Variants in HELQ observed in about 807,000 individuals in gnomAD.
HELQ encodes the protein helicase POLQ-like.
In HELQ, 77 loss-of-function variants were observed where a neutral mutation model predicts 111.6. The observed-to-expected ratio is 0.69, with a 90% CI of 0.57 to 0.83. The LOEUF is 0.83. Ranked by LOEUF, HELQ falls within the 40% of genes least tolerant of loss-of-function variation. The pLI, the probability that HELQ is intolerant of heterozygous loss-of-function variation, is 0.00. For missense variants in HELQ, 1,200 were observed against 1,288.5 expected (o/e 0.93, Z 1.05); for synonymous variants, 438 against 454.7 (o/e 0.96, Z 0.47).
intron 5 of HELQ, among the ~76,000 whole-genome samples, chr4:83,445,157 G>A (rs925438445): frequency 3.3e-5 from 5 of 152,266 alleles, no homozygotes; most frequent in Non-Finnish European, 5.9e-5. Context: ...GCTGAAGAAC[G>A]GCTTTGAAGG....
At chr4:83,437,257 T>C (rs1388547992) in intron 8 of HELQ, among the ~76,000 whole-genome samples, 160 bp from the exon 9 acceptor site, 1 of 152,194 alleles carries the variant, frequency 6.6e-6, no homozygotes, top group South Asian at 2.1e-4. Context: ...TCTGACTTCA[T>C]TAACTATTAG....
In HELQ at chr4:83,408,088, A is replaced by C. The variant is rs1738882384; in HGVS notation, c.3199-528T>G. On this transcript the variant is annotated intron_variant, in intron 17 of 17. Transcript: ENST00000295488. ...ACATGGCATATGAAAGATGTCAATG[A>C]ATTTTTACCAAATAATAAGCTATAT... 2.0e-5 allele frequency among the ~76,000 whole-genome samples: 3 copies of C among 152,194 alleles called. No homozygotes were observed. In the South Asian group the frequency reaches 6.2e-4, roughly 32 times the overall value.
Position 83,427,718 on chromosome 4 carries a change from T to A in HELQ, c.2521A>T (p.Thr841Ser). ...ATGTCACAATAAGCTAAATCTATAG[T>A]TCCTAAAAGAAAGATACAAATATTC... ...TKLGRASFKGTIDLAYCDILY... is the reference protein window; with the variant it reads ...TKLGRASFKGSIDLAYCDILY... The change falls in exon 13 of 18, where the codon ACT (threonine) becomes TCT (serine). Residue 841 changes from threonine (T) to serine (S), a missense_variant and splice_region_variant. This residue lies in a region of HELQ where 585 missense variants were observed against 665.3 expected (regional missense o/e 0.88). Coordinates refer to ENST00000295488, the MANE Select transcript of HELQ (RefSeq NM_133636.5). 1 of 1,525,414 alleles carries A rather than the reference T, an allele frequency of 6.6e-7. No individual in the cohort carries two copies. Among genetic ancestry groups the A allele is most frequent in the Non-Finnish European group, 8.8e-7 (1 of 1,136,588 alleles). The allele number at this position is 1,525,414 out of a possible 1,614,324, so 94.5% of individuals were successfully genotyped here.
chr4:83,439,400 C>T (rs778454081), intron 8 of HELQ, among the ~76,000 whole-genome samples: 3 of 145,994 alleles, frequency 2.1e-5, no homozygotes, highest in South Asian at 4.3e-4. Flanking sequence ...CGCTGTGTCA[C>T]GCAGGCTGGA....
Position 83,455,707 on chromosome 4 carries a change from G to C in HELQ, c.-14C>G, listed in dbSNP as rs1382128963. On this transcript the variant is annotated 5_prime_UTR_variant, in exon 1 of 18. Coordinates refer to ENST00000295488, the MANE Select transcript of HELQ (RefSeq NM_133636.5). The stretch of plus-strand genomic sequence containing the variant: ...ACATTCATCCATGGCAAGGACCCAG[G>C]GCCCTATTCAGACGTCGTTCTCAGT... The C allele has an allele frequency of 6.3e-7, 1 of 1,595,590 alleles. No homozygotes were observed. The highest frequency in any genetic ancestry group is 1.4e-5 in the African/African-American group (1 of 70,194).
chr4:83,437,557 A>G (rs1326271803), intron 8 of HELQ, among the ~76,000 whole-genome samples: 3 of 150,828 alleles, frequency 2.0e-5, no homozygotes, highest in Admixed American at 6.6e-5. Context: ...TGAGGTTGCA[A>G]TGAGCTATGA....
chr4:83,415,415 T>C (rs1212407853), intron 17 of HELQ, among the ~76,000 whole-genome samples: 1 of 152,088 alleles, frequency 6.6e-6, no homozygotes, highest in African/African-American at 2.4e-5. Flanking sequence ...GAAGGCAAAA[T>C]TTAGCCTCAG....
chr4:83,450,389 T>C (rs757041562), intron 2 of HELQ, among the ~76,000 whole-genome samples: 5 of 151,342 alleles, frequency 3.3e-5, no homozygotes, highest in Non-Finnish European at 4.4e-5. Flanking sequence ...AAGTTATATC[T>C]GAATGACAGT....
chr4:83,451,776 CAG>C (rs1480394436), intron 2 of HELQ, among the ~76,000 whole-genome samples: 1 of 152,070 alleles, frequency 6.6e-6, no homozygotes, highest in Admixed American at 6.5e-5. Context: ...AGCAGAAAAA[CAG>C]AGGGAAGAAC....
chr4:83,412,464 C>T (rs1739153172), intron 17 of HELQ, among the ~76,000 whole-genome samples: 1 of 152,206 alleles, frequency 6.6e-6, no homozygotes, highest in South Asian at 2.1e-4. Flanking sequence ...GAATTTCTCT[C>T]TCTGACCTTC....
chr4:83,425,956 T>A (rs1201491606), intron 14 of HELQ, 38 bp downstream of exon 14: 3 of 1,083,774 alleles, frequency 2.8e-6, no homozygotes, highest in Non-Finnish European at 4.2e-6. Flanking sequence ...AAGTGTTGAG[T>A]GAACTTATTA....
At chr4:83,430,571 T>C (rs1489191167) in intron 11 of HELQ, among the ~76,000 whole-genome samples, 1 of 152,228 alleles carries the variant, frequency 6.6e-6, no homozygotes, top group Non-Finnish European at 1.5e-5. Flanking sequence ...GAAATCAGCA[T>C]GTTATACTAA....
Position 83,416,783 on chromosome 4 carries a change from G to T in HELQ, c.3146C>A (p.Thr1049Lys). The change falls in exon 17 of 18, where the codon ACA becomes AAA. Residue 1049 changes from threonine (T) to lysine (K), a missense_variant. Around this residue, in one of 3 missense-constraint regions of HELQ, gnomAD observed 585 missense variants for 665.3 expected, o/e 0.88. Transcript: ENST00000295488. ...ANANPEVLVRTIDHLSRRQAK... is the reference protein window; with the variant it reads ...ANANPEVLVRKIDHLSRRQAK... ...TTGGCGTCTTGATAAATGATCAATT[G>T]TCCTTACGAGCACTTCAGGATTTGC... The T allele has an allele frequency of 6.2e-7, 1 of 1,613,906 alleles. No individual in the cohort carries two copies. Among genetic ancestry groups the T allele is most frequent in the Non-Finnish European group, 8.5e-7 (1 of 1,179,854 alleles).
chr4:83,428,445 C>A (rs1719961194), intron 12 of HELQ, among the ~76,000 whole-genome samples: 2 of 152,058 alleles, frequency 1.3e-5, no homozygotes, highest in Admixed American at 1.3e-4. Context: ...CCTGTAGTCC[C>A]AGCTACTTGC....
At position 83,453,486 on chromosome 4, in the gene HELQ, C is replaced by A. The variant is rs1721517789; in HGVS notation, c.757G>T (p.Val253Phe). Residue 253 changes from valine (V) to phenylalanine (F), a missense_variant, in exon 2 of 18, where the codon GTC becomes TTC. Val to Phe is a conservative substitution (Grantham distance 50, BLOSUM62 -1). This residue lies in a region of HELQ where 610 missense variants were observed against 607.1 expected (regional missense o/e 1.00). Coordinates refer to ENST00000295488, the MANE Select transcript of HELQ (RefSeq NM_133636.5). ...CTGTTCATATCTGAACTAGTTCTGACTTTGGAAGAGGACTCATCATTTTGC... is the reference window on the plus strand; with the variant it reads ...CTGTTCATATCTGAACTAGTTCTGAATTTGGAAGAGGACTCATCATTTTGC... ...PQQNDESSSKVRTSSDMNRRK... is the reference protein window; with the variant it reads ...PQQNDESSSKFRTSSDMNRRK... 2 of 1,612,704 alleles carry A rather than the reference C, an allele frequency of 1.2e-6. No homozygotes were observed. Among genetic ancestry groups the A allele is most frequent in the African/African-American group, 2.7e-5 (2 of 74,920 alleles).
chr4:83,430,325 A>T (rs1210689597), intron 11 of HELQ, among the ~76,000 whole-genome samples: 6 of 148,170 alleles, frequency 4.0e-5, no homozygotes, highest in South Asian at 4.3e-4. Context: ...GAAAAAAAAA[A>T]TACAAGTTTC....
At chr4:83,432,845 G>A (rs1216581024) in intron 9 of HELQ, among the ~76,000 whole-genome samples, 1 of 152,056 alleles carries the variant, frequency 6.6e-6, no homozygotes, top group Non-Finnish European at 1.5e-5. Context: ...CCAGGAGTTT[G>A]AGACCAGCTT....
At chr4:83,454,581 G>A (rs6535477) in intron 1 of HELQ, among the ~76,000 whole-genome samples, 88,454 of 149,390 alleles carry the variant, frequency 0.59, 27,338 homozygotes, top group African/African-American at 0.77. Flanking sequence ...GGCTAATTAA[G>A]AAAAAAAAAT....
chr4:83,407,528 T>A lies in HELQ; in HGVS notation c.3231A>T (p.Gln1077His). The stretch of plus-strand genomic sequence containing the variant: ...ATCTTAGTAACTCTTCTACCTCTTC[T>A]TGCAGGGCTTCTGCTTTTTCATGCA... ...MLLHEKAEALQEEVEELLRLP... is the reference protein window; with the variant it reads ...MLLHEKAEALHEEVEELLRLP... The change falls in exon 18 of 18, where the codon CAA (glutamine) becomes CAT (histidine). Residue 1077 changes from glutamine (Q) to histidine (H), a missense_variant. Coordinates refer to ENST00000295488, the MANE Select transcript of HELQ (RefSeq NM_133636.5). The A allele has an allele frequency of 6.2e-7, 1 of 1,611,918 alleles. No individual in the cohort carries two copies. Among genetic ancestry groups the A allele is most frequent in the Non-Finnish European group, 8.5e-7 (1 of 1,179,384 alleles).
Sources: gnomAD v4.1 joint callset for allele counts (sites outside exome capture counted in the v4.1 genomes callset) on GRCh38, gnomAD v4.1.1 for gene constraint, gnomAD v4.1.1 regional missense constraint, MANE v1.5 for transcripts, NCBI Gene and HGNC (gene_info 2026-07-23, HGNC 2026-07-21) for gene names.